RPS6KC1: variants seen among roughly 807,000 people sequenced by gnomAD.
RPS6KC1 encodes ribosomal protein S6 kinase C1, also known as inactive ribosomal protein S6 kinase delta-1.
A neutral mutation model predicts 103.8 loss-of-function variants in RPS6KC1; 54 were observed. The ratio of observed to expected loss-of-function variants is 0.52; its 90% CI spans 0.42 to 0.65. RPS6KC1 has a LOEUF of 0.65. Among genes scored for constraint, RPS6KC1 ranks in the 30% least tolerant of loss-of-function variants. RPS6KC1 has a pLI of 0.00. For synonymous variants in RPS6KC1, 439 were observed against 438.7 expected, an observed-to-expected ratio of 1.00 and a Z score of -0.01; for missense variants, 1,151 against 1,253.8, an observed-to-expected ratio of 0.92 and a Z score of 1.24.
chr1:213,742,128 A>AGATT, the RPS6KC1 span, among the ~76,000 whole-genome samples: 1 of 152,186 alleles, frequency 6.6e-6, no homozygotes, highest in Admixed American at 6.5e-5. Context: ...GAGTGCTCCT[A>AGATT]GATTATTTGA....
At chr1:213,377,912 C>A in the RPS6KC1 span, among the ~76,000 whole-genome samples, 1 of 152,166 alleles carries the variant, frequency 6.6e-6, no homozygotes. Flanking sequence ...GGACTTTAGT[C>A]CTAAAACTTG....
chr1:213,116,912 A>T (rs953614156), intron 4 of RPS6KC1, among the ~76,000 whole-genome samples: 217 of 152,256 alleles, frequency 1.4e-3, no homozygotes, highest in African/African-American at 5.1e-3. Context: ...GAGTTTCTGC[A>T]GAGAGATCTG....
chr1:213,331,480 G>T, the RPS6KC1 span, among the ~76,000 whole-genome samples: 8 of 152,194 alleles, frequency 5.3e-5, no homozygotes, highest in Admixed American at 3.3e-4. Flanking sequence ...AGTATGAATG[G>T]GCCTGGCCAG....
At chr1:213,277,623 T>C (rs112714646), downstream of RPS6KC1, among the ~76,000 whole-genome samples, 1,367 of 152,338 alleles carry the variant, frequency 9.0e-3, 22 homozygotes, top group African/African-American at 0.031. Flanking sequence ...GGAAAAGAGA[T>C]GGCCAACCTG....
chr1:213,417,778 T>C, the RPS6KC1 span, among the ~76,000 whole-genome samples: 3 of 152,216 alleles, frequency 2.0e-5, no homozygotes, highest in Non-Finnish European at 4.4e-5. Context: ...TTGCTCTTTT[T>C]CTGGACATCT....
intron 1 of RPS6KC1, among the ~76,000 whole-genome samples, chr1:213,053,647 T>G (rs144325226): frequency 1.0e-3 from 155 of 152,216 alleles, no homozygotes; most frequent in African/African-American, 3.6e-3. Context: ...TTGGGGAATA[T>G]GTACCAATCA....
At chr1:213,517,835 A>T in the RPS6KC1 span, among the ~76,000 whole-genome samples, 1 of 152,212 alleles carries the variant, frequency 6.6e-6, no homozygotes, top group Non-Finnish European at 1.5e-5. Context: ...GGGGTATTAA[A>T]GTCTCCCATT....
At chr1:213,706,152 G>A in the RPS6KC1 span, among the ~76,000 whole-genome samples, 1 of 152,234 alleles carries the variant, frequency 6.6e-6, no homozygotes, top group South Asian at 2.1e-4. Context: ...TTTAGCATTA[G>A]TACTCTCCTA....
At chr1:213,059,242 G>T (rs1333975766) in intron 1 of RPS6KC1, among the ~76,000 whole-genome samples, 1 of 152,172 alleles carries the variant, frequency 6.6e-6, no homozygotes, top group Non-Finnish European at 1.5e-5. Context: ...AGACTTTTTA[G>T]TAGAATTCTT....
At chr1:213,404,221 C>T in the RPS6KC1 span, among the ~76,000 whole-genome samples, 18 of 152,236 alleles carry the variant, frequency 1.2e-4, no homozygotes, top group Non-Finnish European at 1.6e-4. Flanking sequence ...GGGCTGCCTT[C>T]GGCGGGGGTT....
At chr1:213,859,033 T>C in the RPS6KC1 span, among the ~76,000 whole-genome samples, 1 of 152,236 alleles carries the variant, frequency 6.6e-6, no homozygotes, top group Non-Finnish European at 1.5e-5. Context: ...GACTTTTTTT[T>C]CCTGCATGTC....
At chr1:213,324,271 T>C in the RPS6KC1 span, among the ~76,000 whole-genome samples, 2 of 152,196 alleles carry the variant, frequency 1.3e-5, no homozygotes, top group Non-Finnish European at 2.9e-5. Flanking sequence ...AAGTAACAGG[T>C]CATGGATTTT....
At chr1:213,101,841 A>T (rs2082044387) in intron 3 of RPS6KC1, among the ~76,000 whole-genome samples, 1 of 152,184 alleles carries the variant, frequency 6.6e-6, no homozygotes, top group African/African-American at 2.4e-5. Context: ...GCACTGATTC[A>T]TACTTTCTTA....
the RPS6KC1 span, among the ~76,000 whole-genome samples, chr1:213,509,490 C>T: frequency 6.6e-6 from 1 of 152,104 alleles, no homozygotes; most frequent in African/African-American, 2.4e-5. Flanking sequence ...AAAAGGCTTC[C>T]CTGACTCCTA....
chr1:213,141,302 T>C (rs2087002333), intron 6 of RPS6KC1, among the ~76,000 whole-genome samples: 1 of 152,074 alleles, frequency 6.6e-6, no homozygotes, highest in Admixed American at 6.6e-5. Context: ...TGCAACTTAT[T>C]ATTGATCTGT....
the RPS6KC1 span, among the ~76,000 whole-genome samples, chr1:213,639,488 G>A: frequency 6.6e-6 from 1 of 152,024 alleles, no homozygotes; most frequent in Non-Finnish European, 1.5e-5. Flanking sequence ...GGAGGGAGGA[G>A]AATCTTTTAC....
the RPS6KC1 span, among the ~76,000 whole-genome samples, chr1:213,653,080 G>A: frequency 3.8e-3 from 573 of 152,330 alleles, 3 homozygotes; most frequent in African/African-American, 0.013. Context: ...CCCCCTGGAA[G>A]ATGCTGGCTA....
chr1:213,740,946 C>CATCTCAGATATATGTACACATATATAT, the RPS6KC1 span, among the ~76,000 whole-genome samples: 755 of 55,224 alleles, frequency 0.014, 61 homozygotes, highest in East Asian at 0.037. Flanking sequence ...CACATATATA[C>CATCTCAGATATATGTACACATATATAT]ATCTCAGATA....
At chr1:213,501,691 C>T in the RPS6KC1 span, among the ~76,000 whole-genome samples, 14 of 148,652 alleles carry the variant, frequency 9.4e-5, no homozygotes, top group Non-Finnish European at 1.8e-4. Flanking sequence ...GCGAAGATTG[C>T]ACCACTGCAC....
Sources: allele counts gnomAD v4.1 joint callset (sites outside exome capture counted in the v4.1 genomes callset), GRCh38; gene constraint gnomAD v4.1.1; transcripts MANE v1.5; gene names NCBI Gene and HGNC (gene_info 2026-07-23, HGNC 2026-07-21).